PDE10A: variants seen among roughly 807,000 people sequenced by gnomAD.
PDE10A encodes the protein phosphodiesterase 10A, also known as cAMP and cAMP-inhibited cGMP 3',5'-cyclic phosphodiesterase 10A.
In PDE10A, 39 loss-of-function variants were observed where a neutral mutation model predicts 97.7. That is an observed-to-expected ratio of 0.40 (90% confidence interval 0.31 to 0.52). PDE10A has a LOEUF of 0.52. PDE10A is among the 20% of genes least tolerant of loss of function. The probability of loss-of-function intolerance (pLI) is 0.56; values close to 1 mark genes in which losing one functional copy is unlikely to be tolerated. For missense variants in PDE10A, 731 were observed against 1,047.8 expected, an observed-to-expected ratio of 0.70 and a Z score of 4.17; for synonymous variants, 371 against 376.8, an observed-to-expected ratio of 0.98 and a Z score of 0.18.
chr6:165,668,819 G>A lies in PDE10A; in HGVS notation c.-614-125251C>T, dbSNP rs1474882140. ...AGGGGAAGGAAAGGAGGGAGGGAGG[G>A]AGGGAGGGTTCTTTCACATGGGTGA... On this transcript the variant is annotated intron_variant, in intron 1 of 19. Coordinates refer to the PDE10A transcript ENST00000366882. 2.1e-5 allele frequency among the ~76,000 whole-genome samples: 3 copies of A among 143,132 alleles called. 1 individual carries two copies. 93.9% of individuals were successfully genotyped at this position (143,132 alleles called of 152,430 possible).
chr6:165,781,051 G>C (rs965364950), intron 1 of PDE10A: 1 of 152,348 alleles, frequency 6.6e-6, no homozygotes, highest in East Asian at 1.9e-4. Flanking sequence ...ATGGTAGTGA[G>C]GTCTCACTCT....
At chr6:165,425,620 G>C (rs1789070927) in intron 10 of PDE10A, among the ~76,000 whole-genome samples, 2 of 152,106 alleles carry the variant, frequency 1.3e-5, no homozygotes. Context: ...CTTGAGATCA[G>C]GAATGAGACA....
chr6:165,825,296 G>A (rs889581142), intron 1 of PDE10A, among the ~76,000 whole-genome samples: 1 of 152,058 alleles, frequency 6.6e-6, no homozygotes, highest in Non-Finnish European at 1.5e-5. Context: ...TGAGGAAGCC[G>A]AGGCCTGTGG....
intron 1 of PDE10A, among the ~76,000 whole-genome samples, chr6:165,656,258 T>TCTCTCACA (rs1365414526): frequency 1.5e-4 from 20 of 129,916 alleles, no homozygotes; most frequent in African/African-American, 6.2e-4. Flanking sequence ...TCTCTCTCTC[T>TCTCTCACA]CACACACACA....
chr6:165,627,845 A>T (rs997076630), intron 1 of PDE10A, among the ~76,000 whole-genome samples: 3 of 152,216 alleles, frequency 2.0e-5, no homozygotes, highest in African/African-American at 7.2e-5. Context: ...CTGAACCTAG[A>T]ATTCATCTGA....
At chr6:165,375,312 G>A (rs1719720152) in intron 18 of PDE10A, among the ~76,000 whole-genome samples, 1 of 152,150 alleles carries the variant, frequency 6.6e-6, no homozygotes, top group South Asian at 2.1e-4. Context: ...AATTAAAAGG[G>A]CTACAAGTGT....
chr6:165,598,284 C>T (rs1323357785), intron 1 of PDE10A, among the ~76,000 whole-genome samples: 1 of 144,156 alleles, frequency 6.9e-6, no homozygotes, highest in Non-Finnish European at 1.5e-5. Context: ...ATTAACAGAT[C>T]TTAGAGAGAG....
At chr6:165,730,714 C>A (rs1792410501) in intron 1 of PDE10A, among the ~76,000 whole-genome samples, 1 of 147,170 alleles carries the variant, frequency 6.8e-6, no homozygotes, top group East Asian at 2.0e-4. Context: ...GATCATGCCA[C>A]TACAATCCAG....
chr6:165,969,281 G>A (rs1281204832), intron 1 of PDE10A, among the ~76,000 whole-genome samples: 2 of 152,150 alleles, frequency 1.3e-5, no homozygotes, highest in Non-Finnish European at 2.9e-5. Context: ...CCCCTGACAA[G>A]ATAAGCAGCT....
At chr6:165,394,224 C>A (rs1785950135) in intron 15 of PDE10A, among the ~76,000 whole-genome samples, 1 of 152,092 alleles carries the variant, frequency 6.6e-6, no homozygotes, top group South Asian at 2.1e-4. Context: ...CTTAGCCTCC[C>A]ATCCCCCAAC....
At chr6:165,658,116 C>T (rs1331032535) in intron 1 of PDE10A, among the ~76,000 whole-genome samples, 1 of 152,170 alleles carries the variant, frequency 6.6e-6, no homozygotes, top group Non-Finnish European at 1.5e-5. Context: ...CTCCCTGAGC[C>T]CACAAACAGA....
intron 1 of PDE10A, among the ~76,000 whole-genome samples, chr6:165,679,194 A>G (rs953207421): frequency 1.3e-5 from 2 of 152,238 alleles, no homozygotes; most frequent in Admixed American, 1.3e-4. Flanking sequence ...GACAGGGCTC[A>G]TCTGCATATC....
intron 8 of PDE10A, 103 bp downstream of exon 8, chr6:165,431,319 A>G (rs1429696840): frequency 3.1e-5 from 19 of 606,234 alleles, no homozygotes; most frequent in Admixed American, 8.2e-5. Context: ...ATATCCCAAA[A>G]TAAGGCATTG....
chr6:165,679,916 T>C (rs1790929820), intron 1 of PDE10A, among the ~76,000 whole-genome samples: 1 of 151,940 alleles, frequency 6.6e-6, no homozygotes, highest in Admixed American at 6.6e-5. Context: ...TGCTGTTGAG[T>C]ACTCTGGGAC....
At chr6:165,859,185 T>C (rs1780831843) in intron 1 of PDE10A, among the ~76,000 whole-genome samples, 1 of 152,234 alleles carries the variant, frequency 6.6e-6, no homozygotes, top group South Asian at 2.1e-4. Flanking sequence ...TGCTGATTCA[T>C]GAACACTGAA....
intron 1 of PDE10A, among the ~76,000 whole-genome samples, chr6:165,684,575 T>G (rs1290838174): frequency 6.6e-6 from 1 of 152,172 alleles, no homozygotes; most frequent in African/African-American, 2.4e-5. Context: ...TATTTATGAG[T>G]CACCACACGG....
At chr6:165,423,590 G>A (rs752786607) in intron 10 of PDE10A, among the ~76,000 whole-genome samples, 17 of 152,150 alleles carry the variant, frequency 1.1e-4, no homozygotes, top group South Asian at 4.1e-4. Flanking sequence ...AGATTAGGCC[G>A]GGCGCGGTGG....
intron 1 of PDE10A, among the ~76,000 whole-genome samples, chr6:165,654,143 A>G (rs1789820562): frequency 6.6e-6 from 1 of 152,142 alleles, no homozygotes; most frequent in Non-Finnish European, 1.5e-5. Context: ...GTGTATGAAC[A>G]TTTACTCTGC....
intron 1 of PDE10A, among the ~76,000 whole-genome samples, chr6:165,859,167 C>T (rs1157852740): frequency 6.6e-6 from 1 of 152,170 alleles, no homozygotes; most frequent in Non-Finnish European, 1.5e-5. Context: ...ACTTTATTTT[C>T]CATCCAGTGC....
Sources: allele counts gnomAD v4.1 joint callset (sites outside exome capture counted in the v4.1 genomes callset), GRCh38; gene constraint gnomAD v4.1.1; transcripts MANE v1.5; gene names NCBI Gene and HGNC (gene_info 2026-07-23, HGNC 2026-07-21).